REDIC1: variants seen among roughly 807,000 people sequenced by gnomAD.
The protein encoded by REDIC1 is HEI10 Interacting Protein 1.
the REDIC1 span, among the ~76,000 whole-genome samples, chr12:39,650,001 G>A: frequency 6.6e-6 from 1 of 151,812 alleles, no homozygotes; most frequent in Admixed American, 6.6e-5. This position sits in a 1 kb window ranked among gnomAD's most constrained non-coding sequence, Gnocchi z 4.3. Context: ...AAAATGGTTA[G>A]CTTACCATCA....
chr12:39,713,424 G>T, the REDIC1 span, among the ~76,000 whole-genome samples: 2 of 9,062 alleles, frequency 2.2e-4, no homozygotes, highest in African/African-American at 3.9e-4. Flanking sequence ...ATATACATAT[G>T]TATATATGTG....
At chr12:39,670,201 A>AT in the REDIC1 span, among the ~76,000 whole-genome samples, 1 of 151,708 alleles carries the variant, frequency 6.6e-6, no homozygotes, top group Admixed American at 6.6e-5. Flanking sequence ...TTATTTATTT[A>AT]TTTTTTTGAG....
At chr12:39,898,158 GTAT>G in the REDIC1 span, among the ~76,000 whole-genome samples, 91 of 152,250 alleles carry the variant, frequency 6.0e-4, no homozygotes, top group African/African-American at 2.1e-3. Flanking sequence ...ATTTGTAGAA[GTAT>G]TCCCTTAGGA....
chr12:39,707,459 A>AAAAAACT, the REDIC1 span, among the ~76,000 whole-genome samples: 1 of 151,942 alleles, frequency 6.6e-6, no homozygotes, highest in South Asian at 2.1e-4. Context: ...GAGGTTCCTC[A>AAAAAACT]AAAAACTAAA....
the REDIC1 span, among the ~76,000 whole-genome samples, chr12:39,885,605 C>G: frequency 2.6e-5 from 4 of 152,044 alleles, no homozygotes; most frequent in Admixed American, 2.0e-4. Context: ...ATATTACCAC[C>G]GAAGCACCCA....
chr12:39,697,460 C>T, the REDIC1 span, among the ~76,000 whole-genome samples: 7 of 152,038 alleles, frequency 4.6e-5, no homozygotes, highest in Admixed American at 2.0e-4. Context: ...CACAGAAAAA[C>T]GAAATATAAC....
At chr12:39,877,748 A>G in the REDIC1 span, among the ~76,000 whole-genome samples, 1 of 152,236 alleles carries the variant, frequency 6.6e-6, no homozygotes, top group South Asian at 2.1e-4. Context: ...GGTTACCACT[A>G]TATTTACAAT....
chr12:39,903,601 T>A, the REDIC1 span, among the ~76,000 whole-genome samples: 1 of 151,974 alleles, frequency 6.6e-6, no homozygotes, highest in African/African-American at 2.4e-5. Flanking sequence ...GAGTTCTAGT[T>A]TTCAACTCTG....
chr12:39,802,010 G>T, the REDIC1 span, among the ~76,000 whole-genome samples: 2 of 152,104 alleles, frequency 1.3e-5, no homozygotes, highest in Admixed American at 6.6e-5. Context: ...AGTAAGCAAA[G>T]AATTTCACAT....
At chr12:39,680,543 T>TC in the REDIC1 span, among the ~76,000 whole-genome samples, 1 of 152,158 alleles carries the variant, frequency 6.6e-6, no homozygotes, top group Non-Finnish European at 1.5e-5. Context: ...TGTAAACTAG[T>TC]ACAACCACTA....
At chr12:39,687,253 C>A in the REDIC1 span, among the ~76,000 whole-genome samples, 1 of 152,156 alleles carries the variant, frequency 6.6e-6, no homozygotes, top group Non-Finnish European at 1.5e-5. Context: ...CCGCTCCTGG[C>A]ACCAATTTTC....
chr12:39,679,982 ATCAAG>A, the REDIC1 span, among the ~76,000 whole-genome samples: 1 of 152,328 alleles, frequency 6.6e-6, no homozygotes, highest in South Asian at 2.1e-4. Context: ...TTATATAAAA[ATCAAG>A]TCAAGATTGA....
At chr12:39,768,537 T>G in the REDIC1 span, among the ~76,000 whole-genome samples, 2 of 152,066 alleles carry the variant, frequency 1.3e-5, no homozygotes, top group African/African-American at 4.8e-5. Context: ...CACTTGAACA[T>G]TTAGAGGCCA....
At chr12:39,879,820 G>A in the REDIC1 span, among the ~76,000 whole-genome samples, 9 of 152,156 alleles carry the variant, frequency 5.9e-5, no homozygotes, top group Non-Finnish European at 1.2e-4. Context: ...ATTTTGCAAC[G>A]TGAGAAGGAC....
chr12:39,852,928 G>A, the REDIC1 span, among the ~76,000 whole-genome samples: 1 of 152,116 alleles, frequency 6.6e-6, no homozygotes, highest in Non-Finnish European at 1.5e-5. Context: ...ATAGCCAATG[G>A]GAAACCTCTA....
the REDIC1 span, among the ~76,000 whole-genome samples, chr12:39,706,785 C>T: frequency 1.4e-4 from 22 of 151,880 alleles, no homozygotes; most frequent in African/African-American, 3.9e-4. Flanking sequence ...AATGCTGCAG[C>T]GAAAACTGGT....
the REDIC1 span, chr12:39,641,105 G>A: frequency 4.9e-6 from 4 of 816,620 alleles, no homozygotes; most frequent in South Asian, 6.8e-5. Context: ...ATCTTCCTTT[G>A]GTCTTCTACA....
the REDIC1 span, among the ~76,000 whole-genome samples, chr12:39,705,105 TAAATA>T: frequency 1.3e-5 from 2 of 151,102 alleles, no homozygotes; most frequent in African/African-American, 2.4e-5. Flanking sequence ...AAAAAATAAA[TAAATA>T]AAATCAGAGA....
chr12:39,716,611 C>T, the REDIC1 span: 2 of 557,128 alleles, frequency 3.6e-6, no homozygotes, highest in Admixed American at 4.1e-5. Flanking sequence ...CAAGTATCCA[C>T]AATTTTAACT....
Sources: allele counts gnomAD v4.1 joint callset (sites outside exome capture counted in the v4.1 genomes callset), GRCh38; gene constraint gnomAD v4.1.1; non-coding constraint Gnocchi (gnomAD v3.1); transcripts MANE v1.5; gene names NCBI Gene and HGNC (gene_info 2026-07-23, HGNC 2026-07-21).